Variants in SLC1A1 observed in about 807,000 individuals in gnomAD.
SLC1A1 encodes the protein solute carrier family 1 member 1.
SLC1A1 carries 43 observed loss-of-function variants against 53.3 expected under a neutral mutation model. The ratio of observed to expected loss-of-function variants is 0.81; its 90% CI spans 0.63 to 1.04. The LOEUF (loss-of-function observed/expected upper bound fraction) is 1.04. Among genes scored for constraint, SLC1A1 ranks in the 50% least tolerant of loss-of-function variants. The pLI, the probability that SLC1A1 is intolerant of heterozygous loss-of-function variation, is 0.00. For missense variants in SLC1A1, 748 were observed against 664.9 expected, an observed-to-expected ratio of 1.12 and a Z score of -1.37; for synonymous variants, 307 against 243.2, an observed-to-expected ratio of 1.26 and a Z score of -2.44.
At chr9:4,496,826 G>A (rs1820441937) in intron 1 of SLC1A1, among the ~76,000 whole-genome samples, 1 of 152,156 alleles carries the variant, frequency 6.6e-6, no homozygotes, top group Non-Finnish European at 1.5e-5. Context: ...GAGGCCAGGA[G>A]TTCCAGGCTG....
In SLC1A1 at chr9:4,505,981, G is replaced by A. The variant is rs955163212; in HGVS notation, c.91+15211G>A. On this transcript the variant is annotated intron_variant, in intron 1 of 11. Coordinates refer to ENST00000262352, the MANE Select transcript of SLC1A1 (RefSeq NM_004170.6). Reference sequence around the variant, plus strand: ...TGGGATTACAGGTGCCCACCACCACGCCTGGCTAATTTTTGTATGTTTTTA... The same window carrying A: ...TGGGATTACAGGTGCCCACCACCACACCTGGCTAATTTTTGTATGTTTTTA... 5.9e-5 allele frequency among the ~76,000 whole-genome samples: 9 copies of A among 152,194 alleles called. 1 individual carries two copies. In the South Asian group the frequency reaches 8.3e-4, roughly 14 times the overall value.
intron 1 of SLC1A1, among the ~76,000 whole-genome samples, chr9:4,500,441 G>T (rs893308564): frequency 6.6e-6 from 1 of 152,176 alleles, no homozygotes; most frequent in East Asian, 1.9e-4. Context: ...CCGGGTAGCT[G>T]GCAGTACAGG....
chr9:4,544,933 G>C (rs1564023080), intron 2 of SLC1A1, among the ~76,000 whole-genome samples: 2 of 152,186 alleles, frequency 1.3e-5, no homozygotes, highest in South Asian at 4.1e-4. Context: ...GAAGCAGGAA[G>C]AGCCCGTTAT....
chr9:4,545,845 C>G (rs1817448063), intron 2 of SLC1A1, among the ~76,000 whole-genome samples: 1 of 151,246 alleles, frequency 6.6e-6, no homozygotes, highest in Admixed American at 6.6e-5. Context: ...ATTTGTCTGG[C>G]TGTGATAAGT....
At chr9:4,490,934 G>A (rs1341678639) in intron 1 of SLC1A1, among the ~76,000 whole-genome samples, 164 bp downstream of exon 1, 5 of 152,202 alleles carry the variant, frequency 3.3e-5, no homozygotes, top group African/African-American at 1.2e-4. Context: ...TCCCCCAAGC[G>A]CTCTAATTAC....
intron 1 of SLC1A1, among the ~76,000 whole-genome samples, chr9:4,517,491 C>T (rs1439580852): frequency 1.3e-5 from 2 of 152,172 alleles, no homozygotes; most frequent in East Asian, 3.8e-4. Flanking sequence ...AAGATTGACT[C>T]AAGACCACGG....
rs112131795 is a variant in SLC1A1, at chr9:4,511,412, A to G, written c.91+20642A>G. 4.3e-3 allele frequency among the ~76,000 whole-genome samples: 654 copies of G among 152,242 alleles called. 5 individuals carry two copies. Among genetic ancestry groups the G allele is most frequent in the African/African-American group, 0.014 (599 of 41,552 alleles). Reference sequence around the variant, plus strand: ...TCCCATTCAGGAGGGCTCTCCCCTCACGACCTAATCACCTCTCAAGGGCCC... The same window carrying G: ...TCCCATTCAGGAGGGCTCTCCCCTCGCGACCTAATCACCTCTCAAGGGCCC... On this transcript the variant is annotated intron_variant, in intron 1 of 11. Transcript: ENST00000262352.
chr9:4,575,844 A>G (rs900269082), intron 8 of SLC1A1, among the ~76,000 whole-genome samples, 157 bp from the exon 9 acceptor site: 1 of 152,160 alleles, frequency 6.6e-6, no homozygotes, highest in Non-Finnish European at 1.5e-5. Flanking sequence ...ACCCTCATAC[A>G]TGGAATGGGA....
intron 1 of SLC1A1, among the ~76,000 whole-genome samples, chr9:4,507,801 G>A (rs1278735600): frequency 6.6e-6 from 1 of 152,170 alleles, no homozygotes; most frequent in Non-Finnish European, 1.5e-5. Context: ...TTCTCCCAGA[G>A]GTCGATCTGA....
At chr9:4,533,445 C>A (rs550657020) in intron 1 of SLC1A1, among the ~76,000 whole-genome samples, 1 of 152,000 alleles carries the variant, frequency 6.6e-6, no homozygotes, top group Non-Finnish European at 1.5e-5. Flanking sequence ...TTTAAACCAA[C>A]AAAGATCAAA....
chr9:4,500,007 T>G (rs957364118), intron 1 of SLC1A1, among the ~76,000 whole-genome samples: 25 of 152,204 alleles, frequency 1.6e-4, no homozygotes, highest in African/African-American at 4.8e-4. Context: ...CACTTGCTTA[T>G]AAAGAGAGAA....
intron 2 of SLC1A1, among the ~76,000 whole-genome samples, chr9:4,555,432 T>C (rs1404735506): frequency 6.6e-6 from 1 of 152,238 alleles, no homozygotes; most frequent in Admixed American, 6.5e-5. Context: ...TGTTTATTTT[T>C]AAAACATGCT....
At chr9:4,543,747 G>A (rs1001573048) in intron 1 of SLC1A1, among the ~76,000 whole-genome samples, 2 of 151,546 alleles carry the variant, frequency 1.3e-5, no homozygotes, top group African/African-American at 4.9e-5. Context: ...TTGATAATAT[G>A]GTAAATAAAT....
chr9:4,498,652 T>C (rs1352826704), intron 1 of SLC1A1, among the ~76,000 whole-genome samples: 2 of 151,850 alleles, frequency 1.3e-5, no homozygotes, highest in Non-Finnish European at 2.9e-5. Context: ...AGGTTGCTAG[T>C]TTAGTCATAT....
At chr9:4,504,406 G>A (rs1820731683) in intron 1 of SLC1A1, among the ~76,000 whole-genome samples, 1 of 152,192 alleles carries the variant, frequency 6.6e-6, no homozygotes, top group African/African-American at 2.4e-5. Flanking sequence ...TAATTAGCCT[G>A]TCTGTACTAC....
chr9:4,558,866 C>G (rs944329807), intron 2 of SLC1A1, among the ~76,000 whole-genome samples: 2 of 152,134 alleles, frequency 1.3e-5, no homozygotes, highest in Non-Finnish European at 2.9e-5. Flanking sequence ...CATATTAGGG[C>G]TACAGATGAG....
intron 1 of SLC1A1, among the ~76,000 whole-genome samples, chr9:4,519,221 T>C (rs1452361800): frequency 6.6e-6 from 1 of 152,248 alleles, no homozygotes; most frequent in Non-Finnish European, 1.5e-5. Context: ...ACTATTTGTA[T>C]AATTTGAATG....
intron 10 of SLC1A1, among the ~76,000 whole-genome samples, chr9:4,582,686 T>A (rs1036274534): frequency 2.6e-5 from 4 of 152,168 alleles, no homozygotes; most frequent in Non-Finnish European, 5.9e-5. Flanking sequence ...CATAGATGAG[T>A]ACACGAAGCC....
intron 1 of SLC1A1, among the ~76,000 whole-genome samples, chr9:4,519,383 A>C (rs1004229384): frequency 6.6e-6 from 1 of 152,192 alleles, no homozygotes; most frequent in Non-Finnish European, 1.5e-5. Context: ...TTTTTAGATA[A>C]AGCAATCAAA....
Sources: gnomAD v4.1 joint callset for allele counts (sites outside exome capture counted in the v4.1 genomes callset) on GRCh38, gnomAD v4.1.1 for gene constraint, MANE v1.5 for transcripts, NCBI Gene and HGNC (gene_info 2026-07-23, HGNC 2026-07-21) for gene names.